CDH18: variants seen among roughly 807,000 people sequenced by gnomAD.
CDH18 encodes cadherin-18.
In CDH18, 31 loss-of-function variants were observed where a neutral mutation model predicts 67.9. The observed-to-expected ratio is 0.46, with a 90% CI of 0.34 to 0.62. The LOEUF is 0.62. Ranked by LOEUF, CDH18 falls within the 20% of genes least tolerant of loss-of-function variation. The probability of loss-of-function intolerance (pLI) is 0.01; values close to 1 mark genes in which losing one functional copy is unlikely to be tolerated. For synonymous variants in CDH18, 362 were observed against 347.2 expected (o/e 1.04, Z -0.48); for missense variants, 890 against 975.5 (o/e 0.91, Z 1.17).
intron 1 of CDH18, among the ~76,000 whole-genome samples, chr5:19,986,832 T>C (rs896435379): frequency 6.6e-6 from 1 of 152,154 alleles, no homozygotes; most frequent in African/African-American, 2.4e-5. Flanking sequence ...ATTAAGCATT[T>C]TCTCTGGTAA....
At chr5:19,789,600 C>T (rs866949021) in intron 3 of CDH18, among the ~76,000 whole-genome samples, 1 of 152,068 alleles carries the variant, frequency 6.6e-6, no homozygotes, top group Non-Finnish European at 1.5e-5. Context: ...ACAAAAAATA[C>T]GTCAATTATT....
intron 1 of CDH18, among the ~76,000 whole-genome samples, chr5:20,443,635 G>T (rs539709563): frequency 6.6e-6 from 1 of 152,032 alleles, no homozygotes; most frequent in African/African-American, 2.4e-5. Flanking sequence ...ACTAATAGCA[G>T]AAAATGTGGA....
At chr5:20,470,236 T>C (rs1751951942) in intron 1 of CDH18, among the ~76,000 whole-genome samples, 1 of 152,150 alleles carries the variant, frequency 6.6e-6, no homozygotes, top group Admixed American at 6.6e-5. Flanking sequence ...GGTGTTTTAA[T>C]GACTCCCGTA....
intron 2 of CDH18, among the ~76,000 whole-genome samples, chr5:20,066,179 C>A (rs938525984): frequency 6.6e-6 from 1 of 151,960 alleles, no homozygotes; most frequent in African/African-American, 2.4e-5. Flanking sequence ...TTGAGCCATG[C>A]ATCATTATAA....
intron 2 of CDH18, among the ~76,000 whole-genome samples, chr5:20,179,678 C>T (rs1465925479): frequency 6.6e-6 from 1 of 152,134 alleles, no homozygotes; most frequent in Non-Finnish European, 1.5e-5. Context: ...GGGAGTCAAG[C>T]AAAGCCACAC....
intron 1 of CDH18, among the ~76,000 whole-genome samples, chr5:20,298,120 A>G (rs1018956190): frequency 1.3e-5 from 2 of 152,212 alleles, no homozygotes; most frequent in Admixed American, 1.3e-4. Context: ...TCTCCATTGA[A>G]GTGTTTGCGT....
intron 2 of CDH18, among the ~76,000 whole-genome samples, chr5:19,942,656 C>A (rs1257644564): frequency 1.3e-5 from 2 of 152,124 alleles, no homozygotes; most frequent in Admixed American, 1.3e-4. Context: ...ATAGATGTCA[C>A]CCTTCTTATC....
intron 10 of CDH18, among the ~76,000 whole-genome samples, chr5:19,518,836 C>T (rs1020145848): frequency 6.6e-6 from 1 of 152,140 alleles, no homozygotes; most frequent in Non-Finnish European, 1.5e-5. Context: ...AGTCAATACT[C>T]CTTAATAAAC....
chr5:20,444,173 T>C (rs1006934501), intron 1 of CDH18, among the ~76,000 whole-genome samples: 2 of 149,848 alleles, frequency 1.3e-5, no homozygotes, highest in Non-Finnish European at 2.9e-5. Flanking sequence ...TATCCAATAT[T>C]ACATTTGACC....
rs143252118 is a variant in CDH18 at position 19,595,085 on chromosome 5, C to A, written c.812-3841G>T. Among the ~76,000 whole-genome samples the A allele has an allele frequency of 7.2e-3, 1,091 of 152,042 alleles. 14 individuals carry two copies. Among genetic ancestry groups the A allele is most frequent in the African/African-American group, 0.025 (1,033 of 41,490 alleles). The stretch of plus-strand genomic sequence containing the variant: ...AATTGTTATAACTAATAAACAAATT[C>A]GGTAAAGTTGCAGACATAAAATCAA... On this transcript the variant is annotated intron_variant, in intron 6 of 12. Coordinates refer to ENST00000382275, the MANE Select transcript of CDH18 (RefSeq NM_004934.5).
chr5:19,855,343 T>G (rs1264999470), intron 2 of CDH18, among the ~76,000 whole-genome samples: 2 of 152,134 alleles, frequency 1.3e-5, no homozygotes, highest in Non-Finnish European at 2.9e-5. Flanking sequence ...TGAGATAAAA[T>G]AGCCATTTAT....
At chr5:20,073,125 T>A (rs1362685021) in intron 2 of CDH18, among the ~76,000 whole-genome samples, 1 of 151,978 alleles carries the variant, frequency 6.6e-6, no homozygotes, top group Admixed American at 6.6e-5. Flanking sequence ...TAAAAATCTA[T>A]CCCCACATCA....
chr5:19,992,727 T>C (rs1800050968), upstream of CDH18, among the ~76,000 whole-genome samples: 1 of 151,154 alleles, frequency 6.6e-6, no homozygotes, highest in Non-Finnish European at 1.5e-5. Flanking sequence ...CATTTCTTTC[T>C]ATTCCGGACA....
At chr5:20,251,991 A>G (rs1005745668) in intron 2 of CDH18, among the ~76,000 whole-genome samples, 1 of 152,194 alleles carries the variant, frequency 6.6e-6, no homozygotes, top group East Asian at 1.9e-4. Flanking sequence ...AGTAAGTTCA[A>G]ACAATATATT....
At chr5:20,163,515 C>G (rs1255053135) in intron 2 of CDH18, among the ~76,000 whole-genome samples, 2 of 152,116 alleles carry the variant, frequency 1.3e-5, no homozygotes, top group Admixed American at 6.6e-5. Context: ...ACTTTTTAAA[C>G]AATTTTAAAC....
chr5:19,994,732 TATATATAGAGAGAGAGAGAGAGAGAG>T lies in CDH18; in HGVS notation c.-517-2744_-517-2719del, dbSNP rs1244562706. Reference sequence around the variant, plus strand: ...ATATATATATATATATATATATATATATATATAGAGAGAGAGAGAGAGAGAGAGAGAGAGAGAGAGAGAGAGAGAGA... The same window carrying T: ...ATATATATATATATATATATATATATAGAGAGAGAGAGAGAGAGAGAGAGA... On this transcript the variant is annotated intron_variant, in intron 2 of 14. Coordinates refer to the CDH18 transcript ENST00000507958. Among the ~76,000 whole-genome samples, 26 of 12,528 alleles carry T rather than the reference TATATATAGAGAGAGAGAGAGAGAGAG, an allele frequency of 2.1e-3. 1 individual carries two copies. Among genetic ancestry groups the T allele is most frequent in the African/African-American group, 6.4e-3 (19 of 2,960 alleles). The allele number at this position is 12,528 out of a possible 152,430, so 8.2% of individuals were successfully genotyped here.
At chr5:19,983,539 T>C (rs1185930590) in intron 1 of CDH18, among the ~76,000 whole-genome samples, 1 of 152,210 alleles carries the variant, frequency 6.6e-6, no homozygotes, top group Non-Finnish European at 1.5e-5. Context: ...TTTCACTCAA[T>C]ATTTTTAGGG....
intron 1 of CDH18, among the ~76,000 whole-genome samples, chr5:20,286,475 A>C (rs369184148): frequency 2.6e-5 from 4 of 151,700 alleles, no homozygotes; most frequent in African/African-American, 9.7e-5. Flanking sequence ...TTAATTGCAA[A>C]AAGAACATAT....
intron 2 of CDH18, among the ~76,000 whole-genome samples, chr5:20,111,512 T>G: frequency 9.3e-6 from 1 of 108,074 alleles, no homozygotes; most frequent in East Asian, 2.6e-4. Context: ...CTTCCTTCCC[T>G]CCCTCCCTCC....
Sources: allele counts gnomAD v4.1 joint callset (sites outside exome capture counted in the v4.1 genomes callset), GRCh38; gene constraint gnomAD v4.1.1; transcripts MANE v1.5; gene names NCBI Gene and HGNC (gene_info 2026-07-23, HGNC 2026-07-21).